LRP1B: variants seen among roughly 807,000 people sequenced by gnomAD.
LRP1B encodes LDL receptor related protein 1B, also known as low-density lipoprotein receptor-related protein 1B.
LRP1B carries 217 observed loss-of-function variants against 556.6 expected under a neutral mutation model. That is an observed-to-expected ratio of 0.39 (90% confidence interval 0.35 to 0.44). The LOEUF (loss-of-function observed/expected upper bound fraction) is 0.44, where lower values mean the gene tolerates loss of function less well. Among genes scored for constraint, LRP1B ranks in the 20% least tolerant of loss-of-function variants. LRP1B has a pLI of 1.00. For synonymous variants in LRP1B, 2,047 were observed against 1,865.8 expected (o/e 1.10, Z -2.50); for missense variants, 5,053 against 5,620.8 (o/e 0.90, Z 3.23).
At chr2:140,491,909 A>G (rs1187884727) in intron 57 of LRP1B, among the ~76,000 whole-genome samples, 1 of 152,188 alleles carries the variant, frequency 6.6e-6, no homozygotes, top group Non-Finnish European at 1.5e-5. Flanking sequence ...AGGCGAGTGT[A>G]CATGTCTTAA....
At position 140,828,348 on chromosome 2, in the gene LRP1B, G is replaced by A. The variant is rs538984804; in HGVS notation, c.5209+11643C>T. On this transcript the variant is annotated intron_variant, in intron 31 of 90. Coordinates refer to ENST00000389484, the MANE Select transcript of LRP1B (RefSeq NM_018557.3). ...CAAAGGGCCGGGCGCGGTGGCTCAC[G>A]CCTGTAATCCCAGCACTTTGGGAGG... 1.3e-4 allele frequency among the ~76,000 whole-genome samples: 19 copies of A among 151,856 alleles called. No individual in the cohort carries two copies. In the East Asian group the frequency reaches 1.6e-3, roughly 12 times the overall value.
Position 140,986,692 on chromosome 2 carries a change from T to C in LRP1B, c.2770+2840A>G, listed in dbSNP as rs1696936760. 2.0e-5 allele frequency among the ~76,000 whole-genome samples: 3 copies of C among 152,152 alleles called. No individual in the cohort carries two copies. In the South Asian group the frequency reaches 6.2e-4, roughly 32 times the overall value. On this transcript the variant is annotated intron_variant, in intron 17 of 90. Coordinates refer to ENST00000389484, the MANE Select transcript of LRP1B (RefSeq NM_018557.3). ...CTTCCATGTGGATCAACTTAGCAAT[T>C]TGAATATTGCATTAGAATAGCCTGC...
intron 3 of LRP1B, among the ~76,000 whole-genome samples, chr2:141,329,685 T>C (rs994746036): frequency 6.6e-6 from 1 of 150,972 alleles, no homozygotes; most frequent in Non-Finnish European, 1.5e-5. Flanking sequence ...TCTCTATCTA[T>C]CTGTTCGAGG....
intron 35 of LRP1B, among the ~76,000 whole-genome samples, chr2:140,727,565 G>T (rs1317068321): frequency 6.6e-6 from 1 of 152,140 alleles, no homozygotes; most frequent in Non-Finnish European, 1.5e-5. Context: ...GGTAGCATTT[G>T]GATTAGATAA....
At chr2:141,211,346 G>C (rs1682542015) in intron 6 of LRP1B, among the ~76,000 whole-genome samples, 1 of 151,160 alleles carries the variant, frequency 6.6e-6, no homozygotes, top group Non-Finnish European at 1.5e-5. Flanking sequence ...TCAGGGCCGG[G>C]CACGGTGCCT....
chr2:140,757,194 T>C (rs1183016350), intron 35 of LRP1B, among the ~76,000 whole-genome samples: 2 of 152,208 alleles, frequency 1.3e-5, no homozygotes, highest in Non-Finnish European at 2.9e-5. Context: ...CCTCACACTC[T>C]ACTGATGTGA....
At chr2:141,747,896 T>C (rs1250102522) in intron 2 of LRP1B, among the ~76,000 whole-genome samples, 1 of 152,152 alleles carries the variant, frequency 6.6e-6, no homozygotes, top group Non-Finnish European at 1.5e-5. Flanking sequence ...TTAGTCCTAT[T>C]ATCCATTTTT....
At chr2:141,152,304 G>A (rs1015274229) in intron 7 of LRP1B, among the ~76,000 whole-genome samples, 2 of 151,912 alleles carry the variant, frequency 1.3e-5, no homozygotes, top group Admixed American at 6.6e-5. Flanking sequence ...AGCATTTCGG[G>A]ACAATAACTA....
intron 2 of LRP1B, among the ~76,000 whole-genome samples, chr2:141,758,501 G>A (rs1296960396): frequency 1.3e-5 from 2 of 151,912 alleles, no homozygotes; most frequent in African/African-American, 4.8e-5. Flanking sequence ...CATGCTCAAA[G>A]TATTATGAAT....
chr2:141,824,191 G>A (rs553403901), intron 1 of LRP1B, among the ~76,000 whole-genome samples: 2 of 152,206 alleles, frequency 1.3e-5, no homozygotes, highest in East Asian at 1.9e-4. Context: ...TGTTCATTAT[G>A]TGCCACATGC....
At chr2:141,753,685 C>G (rs1694214970) in intron 2 of LRP1B, among the ~76,000 whole-genome samples, 1 of 151,990 alleles carries the variant, frequency 6.6e-6, no homozygotes, top group Admixed American at 6.6e-5. Flanking sequence ...TTATTGAAAC[C>G]TCTCCAATGA....
chr2:141,856,409 CT>C lies in LRP1B; in HGVS notation c.83-46009del, dbSNP rs554500968. The stretch of plus-strand genomic sequence containing the variant: ...ATGCTAGACAGTAGGAGGCCCATTT[CT>C]TTTTTTATATTTTTGCTTCCTCAGA... On this transcript the variant is annotated intron_variant, in intron 1 of 90. Transcript: ENST00000389484. Among the ~76,000 whole-genome samples the C allele has an allele frequency of 1.4e-3, 208 of 152,178 alleles. 2 individuals are homozygous for C. Among genetic ancestry groups the C allele is most frequent in the African/African-American group, 4.9e-3 (203 of 41,536 alleles).
intron 2 of LRP1B, among the ~76,000 whole-genome samples, chr2:141,655,620 G>A (rs181276890): frequency 1.1e-3 from 164 of 151,914 alleles, no homozygotes; most frequent in African/African-American, 3.9e-3. Context: ...ATATTAATGG[G>A]GTTATTGCTA....
chr2:141,861,687 T>G (rs1698243416), intron 1 of LRP1B, among the ~76,000 whole-genome samples: 2 of 152,148 alleles, frequency 1.3e-5, no homozygotes, highest in African/African-American at 4.8e-5. Flanking sequence ...TCCAGCACTT[T>G]GGGAGGCCGT....
intron 66 of LRP1B, among the ~76,000 whole-genome samples, chr2:140,417,034 C>T (rs1024886341): frequency 2.6e-5 from 4 of 152,194 alleles, no homozygotes; most frequent in African/African-American, 9.6e-5. Context: ...CTTTGTATAA[C>T]ATGTGGCAAC....
intron 2 of LRP1B, among the ~76,000 whole-genome samples, chr2:141,660,275 C>T (rs1310328490): frequency 2.6e-5 from 4 of 152,142 alleles, no homozygotes. Flanking sequence ...ACCATGCTAC[C>T]CTGCCCGGGA....
Position 141,117,602 on chromosome 2 carries a change from C to T in LRP1B, c.1014-55329G>A, listed in dbSNP as rs143505965. 5.9e-5 allele frequency among the ~76,000 whole-genome samples: 9 copies of T among 152,046 alleles called. No homozygotes were observed. The South Asian group carries it at 1.0e-3, about 18-fold the overall frequency. On this transcript the variant is annotated intron_variant, in intron 7 of 90. Coordinates refer to ENST00000389484, the MANE Select transcript of LRP1B (RefSeq NM_018557.3). ...CCAATTACACAGTGATTTTTAACTT[C>T]GTGGTTAAGGAATGTTGAGCTGATA...
intron 3 of LRP1B, chr2:141,286,684 A>T (rs1036607381): frequency 2.3e-6 from 1 of 443,456 alleles, no homozygotes; most frequent in Admixed American, 2.4e-5. Context: ...GAATATTCAG[A>T]TTTTATTTCA....
Position 141,971,252 on chromosome 2 carries a change from A to C in LRP1B, c.82+159396T>G, listed in dbSNP as rs535407368. Among the ~76,000 whole-genome samples the C allele has an allele frequency of 5.9e-5, 9 of 151,632 alleles. No homozygotes were observed. The South Asian group carries it at 1.9e-3, about 31-fold the overall frequency. On this transcript the variant is annotated intron_variant, in intron 1 of 90. Transcript: ENST00000389484. The stretch of plus-strand genomic sequence containing the variant: ...ACACGTGTATCTTAGAAAGAATTAG[A>C]AAGGTATGTTCCCTGGTGAATTTAA...
Sources: gnomAD v4.1 joint callset for allele counts (sites outside exome capture counted in the v4.1 genomes callset) on GRCh38, gnomAD v4.1.1 for gene constraint, MANE v1.5 for transcripts, NCBI Gene and HGNC (gene_info 2026-07-23, HGNC 2026-07-21) for gene names.